PSD3: variants seen among roughly 807,000 people sequenced by gnomAD.
The protein encoded by PSD3 is pleckstrin and Sec7 domain containing 3, also known as PH and SEC7 domain-containing protein 3.
In PSD3, 49 loss-of-function variants were observed where a neutral mutation model predicts 105.5. The observed-to-expected ratio is 0.46, with a 90% CI of 0.37 to 0.59. PSD3 has a LOEUF of 0.59. Ranked by LOEUF, PSD3 falls within the 20% of genes least tolerant of loss-of-function variation. The pLI, the probability that PSD3 is intolerant of heterozygous loss-of-function variation, is 0.00. For synonymous variants in PSD3, 557 were observed against 457.8 expected (o/e 1.22, Z -2.77); for missense variants, 1,561 against 1,263.8 (o/e 1.24, Z -3.57).
chr8:18,986,292 G>A (rs924696636), intron 1 of PSD3, among the ~76,000 whole-genome samples: 5 of 152,028 alleles, frequency 3.3e-5, no homozygotes, highest in East Asian at 1.9e-4. Flanking sequence ...AATTGTTTTC[G>A]CCCCTTGGTG....
rs570778564 is a variant in PSD3 at position 18,571,138 on chromosome 8, G to C, written c.2784+1390C>G. Among the ~76,000 whole-genome samples the C allele has an allele frequency of 2.0e-5, 3 of 152,228 alleles. No individual in the cohort carries two copies. In the East Asian group the frequency reaches 5.8e-4, roughly 29 times the overall value. ...GGCTTCCAAAAGTGCTGGGATTACA[G>C]GCATGAGCCACTGTGCCCAGTCTTA... On this transcript the variant is annotated intron_variant, in intron 14 of 15. Coordinates refer to ENST00000327040, the MANE Select transcript of PSD3 (RefSeq NM_015310.4).
chr8:18,993,320 T>TC (rs1825904763), intron 1 of PSD3, among the ~76,000 whole-genome samples: 1 of 152,306 alleles, frequency 6.6e-6, no homozygotes, highest in South Asian at 2.1e-4. Flanking sequence ...CATGATTTTT[T>TC]CACCACTCAC....
At chr8:19,049,845 G>C in intron 1 of PSD3, among the ~76,000 whole-genome samples, 1 of 152,128 alleles carries the variant, frequency 6.6e-6, no homozygotes, top group Non-Finnish European at 1.5e-5. Flanking sequence ...ATTCGAGTCT[G>C]AAGCCAGATT....
chr8:18,927,923 T>G (rs915086499), intron 2 of PSD3, among the ~76,000 whole-genome samples: 2 of 152,230 alleles, frequency 1.3e-5, no homozygotes, highest in Non-Finnish European at 2.9e-5. Flanking sequence ...ACAACTGTTG[T>G]GGAAAACAAT....
chr8:18,668,278 T>C (rs1799596578), intron 9 of PSD3, among the ~76,000 whole-genome samples: 1 of 152,218 alleles, frequency 6.6e-6, no homozygotes, highest in Admixed American at 6.5e-5. Flanking sequence ...GAGGAAACAG[T>C]AAGAATCACT....
chr8:18,767,566 T>C (rs562348720), intron 8 of PSD3, among the ~76,000 whole-genome samples: 104 of 151,950 alleles, frequency 6.8e-4, no homozygotes, highest in Non-Finnish European at 8.8e-5. Context: ...CTCAACATGG[T>C]GAAACCCCGT....
At chr8:19,022,881 C>G (rs1486396086) in intron 1 of PSD3, among the ~76,000 whole-genome samples, 1 of 141,152 alleles carries the variant, frequency 7.1e-6, no homozygotes, top group East Asian at 2.1e-4. Context: ...TTTTTTTAAT[C>G]TGTGCATGGG....
At chr8:19,033,743 A>G (rs752132282) in intron 1 of PSD3, among the ~76,000 whole-genome samples, 1 of 152,042 alleles carries the variant, frequency 6.6e-6, no homozygotes, top group African/African-American at 2.4e-5. Flanking sequence ...TTGAAGTCTC[A>G]TAAGTGGTTG....
At chr8:18,601,904 G>A (rs1804467173) in intron 11 of PSD3, among the ~76,000 whole-genome samples, 1 of 152,158 alleles carries the variant, frequency 6.6e-6, no homozygotes, top group Non-Finnish European at 1.5e-5. Context: ...TGTGCAGGAG[G>A]CACCTGACTT....
At chr8:18,887,074 T>C (rs564507280) in intron 2 of PSD3, 2 of 152,344 alleles carry the variant, frequency 1.3e-5, no homozygotes, top group South Asian at 2.1e-4. Context: ...TTGGAGAGGA[T>C]TGTACCATCC....
intron 6 of PSD3, 93 bp from the exon 7 acceptor site, chr8:18,801,475 A>G: frequency 2.9e-6 from 2 of 690,024 alleles, no homozygotes; most frequent in South Asian, 1.8e-5. Context: ...AACCTAAGAT[A>G]TTAATTATAC....
chr8:18,573,357 C>A (rs1802267658), intron 13 of PSD3, among the ~76,000 whole-genome samples: 1 of 152,124 alleles, frequency 6.6e-6, no homozygotes, highest in Admixed American at 6.5e-5. Context: ...GTAGTCCCAG[C>A]TACTTGGGAG....
At chr8:18,554,910 G>A (rs2130129117) in intron 15 of PSD3, among the ~76,000 whole-genome samples, 1 of 152,248 alleles carries the variant, frequency 6.6e-6, no homozygotes, top group African/African-American at 2.4e-5. Context: ...GCAGAGGAAA[G>A]TAAGTGAACA....
chr8:19,034,913 T>G, intron 1 of PSD3, among the ~76,000 whole-genome samples: 1 of 152,160 alleles, frequency 6.6e-6, no homozygotes, highest in Non-Finnish European at 1.5e-5. Flanking sequence ...CCTCACAGAC[T>G]AACCACGAAC....
At chr8:18,849,285 C>G (rs1285947553) in intron 4 of PSD3, 1 of 152,220 alleles carries the variant, frequency 6.6e-6, no homozygotes, top group Non-Finnish European at 1.5e-5. Context: ...TCTTCCCACA[C>G]CATCTATCAT....
chr8:18,970,345 A>AAAG lies in PSD3; in HGVS notation c.22-34204_22-34203insCTT, dbSNP rs1554556374. 3.4e-4 allele frequency among the ~76,000 whole-genome samples: 49 copies of AAAG among 145,216 alleles called. 1 individual carries two copies. The East Asian group carries it at 9.1e-3, about 27-fold the overall frequency. On this transcript the variant is annotated intron_variant, in intron 1 of 15. Transcript: ENST00000327040. ...GCCTCAAAAAAAAAAAAAAAAAAAA[A>AAAG]AAACAAAGAAAAGAAAAGAAACAAC...
chr8:18,803,389 C>CTGTG (rs59427991), intron 6 of PSD3: 12,980 of 143,238 alleles, frequency 0.091, 645 homozygotes, highest in African/African-American at 0.15. Flanking sequence ...AATCTATAAA[C>CTGTG]TGTGTGTGTG....
intron 8 of PSD3, among the ~76,000 whole-genome samples, chr8:18,772,638 A>G (rs1261052757): frequency 6.6e-6 from 1 of 152,096 alleles, no homozygotes; most frequent in African/African-American, 2.4e-5. Context: ...CCTCCCAAGT[A>G]GCTGGGATTA....
At chr8:18,639,211 G>T (rs543936522) in intron 10 of PSD3, among the ~76,000 whole-genome samples, 2 of 152,212 alleles carry the variant, frequency 1.3e-5, no homozygotes, top group South Asian at 4.1e-4. Flanking sequence ...GGAGGGAGTC[G>T]GGTAAGGGCA....
Sources: allele counts gnomAD v4.1 joint callset (sites outside exome capture counted in the v4.1 genomes callset), GRCh38; gene constraint gnomAD v4.1.1; transcripts MANE v1.5; gene names NCBI Gene and HGNC (gene_info 2026-07-23, HGNC 2026-07-21).